The following CCDC152 variants were observed in gnomAD, a reference collection of about 807,000 sequenced individuals.
CCDC152 encodes coiled-coil domain containing 152.
A neutral mutation model predicts 38.1 loss-of-function variants in CCDC152; 37 were observed. That is an observed-to-expected ratio of 0.97 (90% confidence interval 0.75 to 1.28). The LOEUF (loss-of-function observed/expected upper bound fraction) is 1.28. CCDC152 is among the 50% of genes most tolerant of loss of function. The pLI is 0.00. For missense variants in CCDC152, 259 were observed against 292.1 expected, an observed-to-expected ratio of 0.89 and a Z score of 0.83; for synonymous variants, 83 against 87.1, an observed-to-expected ratio of 0.95 and a Z score of 0.26.
intron 3 of CCDC152, among the ~76,000 whole-genome samples, chr5:42,763,359 T>G (rs895824754): frequency 2.0e-5 from 3 of 152,198 alleles, no homozygotes; most frequent in African/African-American, 7.2e-5. Context: ...ACACACATCT[T>G]CTGTGCAGAA....
At chr5:42,759,281 G>A (rs1187798892) in intron 2 of CCDC152, 73 bp downstream of exon 2, 1 of 821,242 alleles carries the variant, frequency 1.2e-6, no homozygotes, top group Admixed American at 3.0e-5. Context: ...AAGAAGTTGG[G>A]AAGAAAGAAA....
intron 7 of CCDC152, 132 bp downstream of exon 7, chr5:42,797,088 A>C (rs1760086162): frequency 3.2e-6 from 2 of 632,886 alleles, no homozygotes; most frequent in South Asian, 2.0e-5. Flanking sequence ...ACACATGCTC[A>C]TTCTCCACCA....
intron 7 of CCDC152, 26 bp from the exon 8 acceptor site, chr5:42,799,349 A>G: frequency 2.4e-6 from 3 of 1,243,990 alleles, no homozygotes; most frequent in Admixed American, 2.4e-5. Flanking sequence ...TAGAGTTTCA[A>G]TAACTTTCTT....
Position 42,800,868 on chromosome 5 carries a change from A to G in CCDC152, c.*1087A>G, listed in dbSNP as rs775798520. 1 of 1,614,214 alleles carries G rather than the reference A, an allele frequency of 6.2e-7. No homozygotes were observed. Among genetic ancestry groups the G allele is most frequent in the Admixed American group, 1.7e-5 (1 of 60,024 alleles). On this transcript the variant is annotated 3_prime_UTR_variant, in exon 9 of 9. Transcript: ENST00000361970. ...TTCAGTTATGTTCTCCTCTGCCCGA[A>G]GTCCCTGTCAGCTACATAAAGATGG...
intron 4 of CCDC152, 124 bp from the exon 5 acceptor site, chr5:42,779,334 T>C: frequency 1.5e-6 from 1 of 651,292 alleles, no homozygotes; most frequent in East Asian, 2.8e-5. Context: ...GTGCCTGAAG[T>C]GTAGCAGCTG....
chr5:42,789,442 C>T (rs2111584849), intron 6 of CCDC152, among the ~76,000 whole-genome samples: 1 of 152,290 alleles, frequency 6.6e-6, no homozygotes, highest in African/African-American at 2.4e-5. Flanking sequence ...AAGTAATCCA[C>T]CTGCCTTGGC....
At chr5:42,798,969 T>G (rs1760119567) in intron 7 of CCDC152, among the ~76,000 whole-genome samples, 2 of 152,184 alleles carry the variant, frequency 1.3e-5, no homozygotes, top group Non-Finnish European at 2.9e-5. Context: ...TACATTTTCT[T>G]TATAATACAC....
intron 4 of CCDC152, among the ~76,000 whole-genome samples, 152 bp from the exon 5 acceptor site, chr5:42,779,306 T>G (rs749539778): frequency 1.7e-4 from 26 of 152,188 alleles, no homozygotes; most frequent in Non-Finnish European, 2.8e-4. Flanking sequence ...CACTTTCATA[T>G]TCTCAGTGTC....
intron 6 of CCDC152, among the ~76,000 whole-genome samples, chr5:42,786,756 A>G (rs983285000): frequency 2.0e-5 from 3 of 151,934 alleles, no homozygotes; most frequent in African/African-American, 7.2e-5. Flanking sequence ...TTAATGTTAC[A>G]TCTGTCTTCC....
chr5:42,767,365 C>A (rs1307000170), intron 3 of CCDC152, among the ~76,000 whole-genome samples: 2 of 151,956 alleles, frequency 1.3e-5, no homozygotes, highest in Non-Finnish European at 2.9e-5. Context: ...TGTATAATTG[C>A]TTTTAATATT....
At position 42,758,091 on chromosome 5, in the gene CCDC152, C is replaced by T. The variant is rs574443528; in HGVS notation, c.-2-1029C>T. Among the ~76,000 whole-genome samples the T allele has an allele frequency of 4.3e-4, 66 of 152,232 alleles. 1 individual carries two copies. In the South Asian group the frequency reaches 9.1e-3, roughly 21 times the overall value. ...TTAAGGGATTTTATATGTAGTTGTG[C>T]TTGCATATGTCATACATAAGATAAT... is the stretch of plus-strand genomic sequence containing the variant. On this transcript the variant is annotated intron_variant, in intron 1 of 8. Transcript: ENST00000361970.
chr5:42,790,583 G>T (rs913154184), intron 6 of CCDC152, among the ~76,000 whole-genome samples: 1 of 152,166 alleles, frequency 6.6e-6, no homozygotes, highest in Non-Finnish European at 1.5e-5. Context: ...GAAAACATTT[G>T]TGAGGGTAAA....
At chr5:42,787,333 A>G (rs1043603110) in intron 6 of CCDC152, among the ~76,000 whole-genome samples, 2 of 151,866 alleles carry the variant, frequency 1.3e-5, no homozygotes, top group South Asian at 2.1e-4. Flanking sequence ...TTAATTCCAG[A>G]AGTTTTTGTT....
chr5:42,793,177 G>T (rs527834205), intron 6 of CCDC152, among the ~76,000 whole-genome samples: 2 of 152,274 alleles, frequency 1.3e-5, no homozygotes, highest in African/African-American at 4.8e-5. Context: ...CTAAATCAAA[G>T]AAGCCAGACA....
chr5:42,782,764 GA>G (rs1759863413), intron 5 of CCDC152, among the ~76,000 whole-genome samples: 1 of 151,932 alleles, frequency 6.6e-6, no homozygotes, highest in Non-Finnish European at 1.5e-5. Context: ...CCATAATATA[GA>G]TATGTTAATT....
intron 4 of CCDC152, among the ~76,000 whole-genome samples, chr5:42,771,768 C>A (rs1374660604): frequency 6.6e-6 from 1 of 152,056 alleles, no homozygotes; most frequent in African/African-American, 2.4e-5. Context: ...AGTAAATAAT[C>A]AAAAATCTCC....
rs1357779784 is a variant in CCDC152 at position 42,781,547 on chromosome 5, G to GCA, written c.328-1926_328-1925insAC. Among the ~76,000 whole-genome samples the GCA allele has an allele frequency of 1.6e-3, 159 of 100,148 alleles. 1 individual carries two copies. The highest frequency in any genetic ancestry group is 7.3e-3 in the African/African-American group (133 of 18,196). The allele number at this position is 100,148 out of a possible 152,430, so 65.7% of individuals were successfully genotyped here. On this transcript the variant is annotated intron_variant, in intron 5 of 8. Coordinates refer to ENST00000361970, the MANE Select transcript of CCDC152 (RefSeq NM_001134848.2). ...TATGAATCCTCACTGAGAAAAATGCGCGCGCGCGCACACACACACACACAC... is the reference window on the plus strand; with the variant it reads ...TATGAATCCTCACTGAGAAAAATGCGCACGCGCGCGCACACACACACACACAC...
chr5:42,795,829 T>C (rs2111599813), intron 6 of CCDC152, among the ~76,000 whole-genome samples: 1 of 151,852 alleles, frequency 6.6e-6, no homozygotes, highest in East Asian at 1.9e-4. Flanking sequence ...AGCAAAGACT[T>C]GGAACCAACC....
At chr5:42,798,288 C>A (rs542646971) in intron 7 of CCDC152, among the ~76,000 whole-genome samples, 293 of 152,284 alleles carry the variant, frequency 1.9e-3, no homozygotes, top group Non-Finnish European at 3.5e-3. Flanking sequence ...TGCTTCCCCC[C>A]ACCCCAACTT....
Sources: gnomAD v4.1 joint callset for allele counts (sites outside exome capture counted in the v4.1 genomes callset) on GRCh38, gnomAD v4.1.1 for gene constraint, MANE v1.5 for transcripts, NCBI Gene and HGNC (gene_info 2026-07-23, HGNC 2026-07-21) for gene names.